TRPC4AP: variants seen among roughly 807,000 people sequenced by gnomAD.
The protein encoded by TRPC4AP is transient receptor potential cation channel subfamily C member 4 associated protein.
TRPC4AP carries 45 observed loss-of-function variants against 99.0 expected under a neutral mutation model. The ratio of observed to expected loss-of-function variants is 0.45; its 90% CI spans 0.36 to 0.58. The LOEUF is 0.58. Among genes scored for constraint, TRPC4AP ranks in the 20% least tolerant of loss-of-function variants. TRPC4AP has a pLI of 0.00. For synonymous variants in TRPC4AP, 408 were observed against 385.8 expected (o/e 1.06, Z -0.67); for missense variants, 879 against 985.3 (o/e 0.89, Z 1.44).
intron 6 of TRPC4AP, among the ~76,000 whole-genome samples, chr20:35,045,603 A>G (rs1207636106): frequency 6.6e-6 from 1 of 152,034 alleles, no homozygotes; most frequent in African/African-American, 2.4e-5. Flanking sequence ...CAGTGGCGCA[A>G]TCTTGACTCA....
chr20:35,078,917 T>C (rs2084553268), intron 1 of TRPC4AP, among the ~76,000 whole-genome samples: 1 of 152,030 alleles, frequency 6.6e-6, no homozygotes, highest in Non-Finnish European at 1.5e-5. Flanking sequence ...AATACAAAAA[T>C]TAGCTGAGTG....
intron 13 of TRPC4AP, among the ~76,000 whole-genome samples, 172 bp downstream of exon 13, chr20:35,008,492 A>T (rs2082561347): frequency 1.3e-5 from 2 of 152,176 alleles, no homozygotes; most frequent in African/African-American, 4.8e-5. Context: ...AAGCTCTCAC[A>T]TACCTGTCGA....
rs374488569 is a variant in TRPC4AP at position 35,003,479 on chromosome 20, G to A, written c.2187C>T (p.Phe729=). ...GCTGCCAGAAGCGCAGCAGGTTGTG[G>A]AAGTTGTTGAGCAGGAAGCCGGGGT... ...KKYPGFLLNN[F]HNLLRFWQQH... Residue 729 remains phenylalanine, a synonymous_variant, in exon 18 of 19, where the codon TTC becomes TTT. Coordinates refer to ENST00000252015, the MANE Select transcript of TRPC4AP (RefSeq NM_015638.3). 5.6e-6 allele frequency: 9 copies of A among 1,614,008 alleles called. No homozygotes were observed. The African/African-American group carries it at 1.2e-4, about 22-fold the overall frequency.
intron 3 of TRPC4AP, among the ~76,000 whole-genome samples, chr20:35,059,857 GAAGAA>G (rs1383937019): frequency 2.4e-4 from 35 of 145,598 alleles, no homozygotes; most frequent in Admixed American, 2.3e-3. Context: ...AGATGAAGAT[GAAGAA>G]AAGATGAAGA....
intron 11 of TRPC4AP, among the ~76,000 whole-genome samples, chr20:35,011,725 C>G (rs1012963779): frequency 6.6e-6 from 1 of 152,174 alleles, no homozygotes; most frequent in African/African-American, 2.4e-5. Context: ...AATGGTCTTC[C>G]CTCGTTCAGG....
chr20:35,084,863 A>G (rs1353169046), intron 1 of TRPC4AP, among the ~76,000 whole-genome samples: 1 of 152,038 alleles, frequency 6.6e-6, no homozygotes, highest in Non-Finnish European at 1.5e-5. Context: ...TAAAACAAAT[A>G]TAATTGTACA....
At chr20:35,003,640 G>T in intron 17 of TRPC4AP, 24 bp from the exon 18 acceptor site, 1 of 1,604,802 alleles carries the variant, frequency 6.2e-7, no homozygotes. Flanking sequence ...GGCCCACAGG[G>T]TCAGGGGCTG....
In TRPC4AP at chr20:35,021,827, AAAG is replaced by A. The variant is rs528080496; in HGVS notation, c.1052-474_1052-472del. Among the ~76,000 whole-genome samples, 728 of 152,330 alleles carry A rather than the reference AAAG, an allele frequency of 4.8e-3. 3 individuals carry two copies. The highest frequency in any genetic ancestry group is 8.4e-3 in the Non-Finnish European group (573 of 68,016). ...TTTTTGAAGAATTCCCCGTTTTTTAAAAGAAGAACCATCTAAATTTTTCTAAGG... is the reference window on the plus strand; with the variant it reads ...TTTTTGAAGAATTCCCCGTTTTTTAAAAGAACCATCTAAATTTTTCTAAGG... On this transcript the variant is annotated intron_variant, in intron 8 of 18. Transcript: ENST00000252015.
At position 35,092,595 on chromosome 20, in the gene TRPC4AP, T is replaced by G. The variant is rs1211698587; in HGVS notation, c.168+19A>C. The stretch of plus-strand genomic sequence containing the variant: ...CGCCTGGTCCGCCCCGCCCCGCCCC[T>G]CCTGGTCCAGCCTCGTACCTGCACC... On this transcript the variant is annotated intron_variant, in intron 1 of 18. Transcript: ENST00000252015. 16 of 507,070 alleles carry G rather than the reference T, an allele frequency of 3.2e-5. No individual in the cohort carries two copies. The highest frequency in any genetic ancestry group is 8.5e-5 in the South Asian group (3 of 35,406). 31.4% of individuals were successfully genotyped at this position (507,070 alleles called of 1,614,324 possible). A position where few individuals can be genotyped will look rare whatever the true frequency, so the allele number is the denominator to read the frequency against.
intron 8 of TRPC4AP, among the ~76,000 whole-genome samples, chr20:35,021,851 T>C (rs2082898610): frequency 6.6e-6 from 1 of 152,238 alleles, no homozygotes; most frequent in African/African-American, 2.4e-5. Context: ...TAAATTTTTC[T>C]AAGGTTCAAC....
At chr20:35,041,635 AG>A (rs2083448510) in intron 7 of TRPC4AP, among the ~76,000 whole-genome samples, 1 of 152,250 alleles carries the variant, frequency 6.6e-6, no homozygotes, top group South Asian at 2.1e-4. Context: ...TCATTCCTCA[AG>A]AATAATGGGT....
At chr20:35,060,381 G>A (rs1344606719) in intron 3 of TRPC4AP, among the ~76,000 whole-genome samples, 1 of 151,996 alleles carries the variant, frequency 6.6e-6, no homozygotes, top group Non-Finnish European at 1.5e-5. Flanking sequence ...AAGCCCAAGA[G>A]TATGCAACCA....
At chr20:35,038,565 T>C (rs993810299) in intron 7 of TRPC4AP, among the ~76,000 whole-genome samples, 2 of 149,856 alleles carry the variant, frequency 1.3e-5, no homozygotes, top group African/African-American at 4.9e-5. Context: ...ACTTATTTTA[T>C]ATTACCTATT....
At chr20:35,078,004 T>G in intron 2 of TRPC4AP, 42 bp downstream of exon 2, 1 of 1,554,336 alleles carries the variant, frequency 6.4e-7, no homozygotes, top group African/African-American at 1.4e-5. Context: ...TTGTGTCACC[T>G]AGAGGCCCTG....
rs959421330 is a variant in TRPC4AP at position 35,081,766 on chromosome 20, C to A, written c.169-3592G>T. On this transcript the variant is annotated intron_variant, in intron 1 of 18. Coordinates refer to ENST00000252015, the MANE Select transcript of TRPC4AP (RefSeq NM_015638.3). ...CTCTGGGAGACCGAGACAGGTAGAT[C>A]ACTTAGGTCAGGAGTTCAAGACCAG... 5.3e-5 allele frequency among the ~76,000 whole-genome samples: 8 copies of A among 152,116 alleles called. No individual in the cohort carries two copies. The East Asian group carries it at 1.6e-3, about 29-fold the overall frequency.
chr20:35,085,609 T>TA (rs71196788), intron 1 of TRPC4AP, among the ~76,000 whole-genome samples: 100,886 of 137,592 alleles, frequency 0.73, 36,813 homozygotes, highest in Admixed American at 0.79. Flanking sequence ...AGACCCTGTC[T>TA]AAAAAAAAAA....
intron 8 of TRPC4AP, among the ~76,000 whole-genome samples, chr20:35,021,716 C>T (rs976063202): frequency 2.0e-5 from 3 of 152,172 alleles, no homozygotes; most frequent in Admixed American, 6.5e-5. Flanking sequence ...TTATGGGGAC[C>T]GCTCTTCAAG....
chr20:35,068,984 A>AAAAAAAAAAAAAC (rs144241228), intron 3 of TRPC4AP, among the ~76,000 whole-genome samples: 8 of 140,170 alleles, frequency 5.7e-5, no homozygotes, highest in African/African-American at 2.3e-4. Flanking sequence ...CACACAAAAA[A>AAAAAAAAAAAAAC]AACAAAACAT....
At chr20:35,035,612 C>T (rs888506663) in intron 7 of TRPC4AP, among the ~76,000 whole-genome samples, 3 of 152,114 alleles carry the variant, frequency 2.0e-5, no homozygotes, top group East Asian at 3.9e-4. Flanking sequence ...TTTACCATAA[C>T]GAAATAACCA....
Sources: gnomAD v4.1 joint callset for allele counts (sites outside exome capture counted in the v4.1 genomes callset) on GRCh38, gnomAD v4.1.1 for gene constraint, MANE v1.5 for transcripts, NCBI Gene and HGNC (gene_info 2026-07-23, HGNC 2026-07-21) for gene names.